The following ANTXR1 variants were observed in gnomAD, a reference collection of about 807,000 sequenced individuals.
The protein encoded by ANTXR1 is anthrax toxin receptor 1.
In ANTXR1, 19 loss-of-function variants were observed where a neutral mutation model predicts 78.1. That is an observed-to-expected ratio of 0.24 (90% CI 0.17 to 0.36). ANTXR1 has a LOEUF of 0.36. Ranked by LOEUF, ANTXR1 falls within the 10% of genes least tolerant of loss-of-function variation. The pLI, the probability that ANTXR1 is intolerant of heterozygous loss-of-function variation, is 1.00. For missense variants in ANTXR1, 518 were observed against 718.6 expected (o/e 0.72, Z 3.19); for synonymous variants, 273 against 260.5 (o/e 1.05, Z -0.46).
intron 1 of ANTXR1, among the ~76,000 whole-genome samples, chr2:69,017,370 C>T (rs1375250547): frequency 6.6e-6 from 1 of 152,194 alleles, no homozygotes; most frequent in African/African-American, 2.4e-5. Context: ...ACACTGTCTA[C>T]AGTCTGAAAC....
chr2:69,095,336 A>G (rs1329376310), intron 9 of ANTXR1, among the ~76,000 whole-genome samples: 1 of 152,168 alleles, frequency 6.6e-6, no homozygotes, highest in East Asian at 1.9e-4. Context: ...CTTAGTCCCA[A>G]ATCCACCCAC....
chr2:69,032,635 C>A (rs1050575826), intron 1 of ANTXR1, among the ~76,000 whole-genome samples: 2 of 151,928 alleles, frequency 1.3e-5, no homozygotes, highest in African/African-American at 4.8e-5. Context: ...TGGGAAATAC[C>A]TTTTGGGTTA....
chr2:69,072,987 G>A, intron 5 of ANTXR1, 35 bp from the exon 6 acceptor site: 1 of 1,602,670 alleles, frequency 6.2e-7, no homozygotes, highest in South Asian at 1.1e-5. Flanking sequence ...GGGTGGAGCA[G>A]GGTGGACTGA....
At chr2:69,243,744 C>T (rs1675944792) in intron 17 of ANTXR1, among the ~76,000 whole-genome samples, 1 of 152,194 alleles carries the variant, frequency 6.6e-6, no homozygotes. Context: ...CTGGACATAT[C>T]TCGTTCAGGC....
At chr2:69,156,099 C>T (rs2104435007) in intron 13 of ANTXR1, among the ~76,000 whole-genome samples, 1 of 152,266 alleles carries the variant, frequency 6.6e-6, no homozygotes, top group Non-Finnish European at 1.5e-5. Flanking sequence ...CTGATGGGGC[C>T]ACTGCACATT....
intron 12 of ANTXR1, among the ~76,000 whole-genome samples, chr2:69,130,828 G>A (rs1365230924): frequency 6.6e-6 from 1 of 152,142 alleles, no homozygotes; most frequent in South Asian, 2.1e-4. Flanking sequence ...TCTACGATAA[G>A]ACTGTATTTT....
At chr2:69,077,574 A>C in intron 8 of ANTXR1, 86 bp downstream of exon 8, 2 of 1,415,742 alleles carry the variant, frequency 1.4e-6, no homozygotes, top group Non-Finnish European at 2.0e-6. Context: ...CATCTCTCAA[A>C]GCCTGGTGTT....
intron 12 of ANTXR1, chr2:69,145,481 G>A (rs1673197340): frequency 1.3e-6 from 2 of 1,513,906 alleles, no homozygotes; most frequent in Non-Finnish European, 8.9e-7. Flanking sequence ...AATGAGTGGA[G>A]GGCAGAGACA....
Position 69,145,138 on chromosome 2 carries a change from T to G in ANTXR1, c.952-7031T>G, listed in dbSNP as rs978108942. Among the ~76,000 whole-genome samples, 6 of 152,116 alleles carry G rather than the reference T, an allele frequency of 3.9e-5. No individual in the cohort carries two copies. The South Asian group carries it at 1.2e-3, about 32-fold the overall frequency. ...AACGGAAGCCCAGAGTTAAATAGAT[T>G]TACCAGTCTGATGGCAGGCAGGGGG... On this transcript the variant is annotated intron_variant, in intron 12 of 17. Coordinates refer to ENST00000303714, the MANE Select transcript of ANTXR1 (RefSeq NM_032208.3).
chr2:69,170,467 G>C (rs1474935470), intron 14 of ANTXR1, among the ~76,000 whole-genome samples, 178 bp downstream of exon 14: 1 of 152,232 alleles, frequency 6.6e-6, no homozygotes, highest in African/African-American at 2.4e-5. Context: ...CCTAACCAGG[G>C]ATGAACAAGA....
intron 10 of ANTXR1, among the ~76,000 whole-genome samples, chr2:69,118,845 G>A (rs1672246476): frequency 6.6e-6 from 1 of 152,032 alleles, no homozygotes; most frequent in Non-Finnish European, 1.5e-5. Flanking sequence ...CCTTTGTTTA[G>A]AGAGAGAGAG....
chr2:69,233,713 G>A (rs1437192456), intron 17 of ANTXR1, among the ~76,000 whole-genome samples: 1 of 151,814 alleles, frequency 6.6e-6, no homozygotes, highest in African/African-American at 2.4e-5. Context: ...ATGAAATACT[G>A]AAGGTATTCC....
intron 14 of ANTXR1, among the ~76,000 whole-genome samples, chr2:69,174,022 G>A (rs923518434): frequency 4.6e-5 from 7 of 152,274 alleles, no homozygotes; most frequent in African/African-American, 1.2e-4. Flanking sequence ...AGCCTAGAGC[G>A]CCTCCCCTTG....
chr2:69,192,101 G>C (rs749989503), intron 16 of ANTXR1, among the ~76,000 whole-genome samples: 2 of 152,216 alleles, frequency 1.3e-5, no homozygotes, highest in Admixed American at 6.5e-5. Context: ...TGGCATTCCA[G>C]GGGGCACAGA....
At chr2:69,152,497 G>A (rs540107921) in intron 13 of ANTXR1, among the ~76,000 whole-genome samples, 1 of 152,288 alleles carries the variant, frequency 6.6e-6, no homozygotes, top group South Asian at 2.1e-4. Context: ...CCTTGGGTGG[G>A]GCAACTGGGG....
At chr2:69,117,505 TACAC>T (rs1186706803) in intron 10 of ANTXR1, among the ~76,000 whole-genome samples, 2 of 152,324 alleles carry the variant, frequency 1.3e-5, no homozygotes, top group African/African-American at 4.8e-5. Flanking sequence ...TGTGTATCTA[TACAC>T]ACACACAAAT....
At chr2:69,127,349 C>T (rs1479514115) in intron 12 of ANTXR1, among the ~76,000 whole-genome samples, 4 of 152,020 alleles carry the variant, frequency 2.6e-5, no homozygotes, top group Non-Finnish European at 5.9e-5. Context: ...ACCAAGAGCC[C>T]TCATGCTAAG....
At position 69,044,724 on chromosome 2, in the gene ANTXR1, G is replaced by A. The variant is rs752002874; in HGVS notation, c.225-18G>A. On this transcript the variant is annotated intron_variant, in intron 2 of 17. Transcript: ENST00000303714. Reference sequence around the variant, plus strand: ...CAGTCTTATTGTCTGTCCTAATAGAGCTTCTTTTCCTTTCCAGCCCACAGT... The same window carrying A: ...CAGTCTTATTGTCTGTCCTAATAGAACTTCTTTTCCTTTCCAGCCCACAGT... The A allele has an allele frequency of 4.3e-6, 7 of 1,613,424 alleles. No homozygotes were observed. Among genetic ancestry groups the A allele is most frequent in the Non-Finnish European group, 5.9e-6 (7 of 1,179,472 alleles).
chr2:69,191,851 A>C (rs759132927), intron 16 of ANTXR1, among the ~76,000 whole-genome samples: 1 of 152,158 alleles, frequency 6.6e-6, no homozygotes, highest in Non-Finnish European at 1.5e-5. Flanking sequence ...TCCAATCTCA[A>C]CTCTGGTTTA....
Sources: gnomAD v4.1 joint callset for allele counts (sites outside exome capture counted in the v4.1 genomes callset) on GRCh38, gnomAD v4.1.1 for gene constraint, MANE v1.5 for transcripts, NCBI Gene and HGNC (gene_info 2026-07-23, HGNC 2026-07-21) for gene names.